GLRA3: variants seen among roughly 807,000 people sequenced by gnomAD.
GLRA3 encodes glycine receptor subunit alpha-3.
In GLRA3, 44 loss-of-function variants were observed where a neutral mutation model predicts 60.4. The observed-to-expected ratio is 0.73, with a 90% CI of 0.57 to 0.94. The LOEUF (loss-of-function observed/expected upper bound fraction) is 0.94, where lower values mean the gene tolerates loss of function less well. Ranked by LOEUF, GLRA3 falls within the 40% of genes least tolerant of loss-of-function variation. The pLI is 0.00. For missense variants in GLRA3, 508 were observed against 564.6 expected, an observed-to-expected ratio of 0.90 and a Z score of 1.02; for synonymous variants, 223 against 192.9, an observed-to-expected ratio of 1.16 and a Z score of -1.29.
chr4:174,785,180 A>G (rs1004852093), intron 2 of GLRA3, among the ~76,000 whole-genome samples: 2 of 152,258 alleles, frequency 1.3e-5, no homozygotes, highest in African/African-American at 4.8e-5. Context: ...TTAAAGAGAA[A>G]TGACAAAACA....
At chr4:174,728,231 G>A (rs1179736248) in intron 4 of GLRA3, among the ~76,000 whole-genome samples, 1 of 152,144 alleles carries the variant, frequency 6.6e-6, no homozygotes, top group African/African-American at 2.4e-5. Context: ...CTGATATTAA[G>A]AATCACCAGG....
chr4:174,690,379 C>A (rs537716671), intron 5 of GLRA3, among the ~76,000 whole-genome samples: 1 of 152,168 alleles, frequency 6.6e-6, no homozygotes, highest in East Asian at 1.9e-4. Flanking sequence ...ATTTAAATAA[C>A]CTCAGGAATG....
chr4:174,798,765 A>G (rs1739678738), intron 1 of GLRA3, among the ~76,000 whole-genome samples: 1 of 152,168 alleles, frequency 6.6e-6, no homozygotes, highest in South Asian at 2.1e-4. Flanking sequence ...TCTACTAAAA[A>G]TACAAAAAAT....
intron 1 of GLRA3, among the ~76,000 whole-genome samples, chr4:174,795,651 A>G (rs1032096685): frequency 1.3e-5 from 2 of 152,208 alleles, no homozygotes; most frequent in East Asian, 1.9e-4. Context: ...TTCTTATACC[A>G]TAATGTAATC....
chr4:174,800,563 C>T (rs1451309706), intron 1 of GLRA3, among the ~76,000 whole-genome samples: 1 of 152,038 alleles, frequency 6.6e-6, no homozygotes, highest in Non-Finnish European at 1.5e-5. Context: ...TTCCTATAAG[C>T]ATTCAAACCA....
intron 1 of GLRA3, among the ~76,000 whole-genome samples, chr4:174,794,301 T>C (rs1323282801): frequency 6.6e-6 from 1 of 152,110 alleles, no homozygotes; most frequent in African/African-American, 2.4e-5. Flanking sequence ...CTGTGCACTT[T>C]TTAAAAAAAT....
chr4:174,649,408 A>T (rs1732950411), intron 9 of GLRA3, among the ~76,000 whole-genome samples: 1 of 152,186 alleles, frequency 6.6e-6, no homozygotes, highest in African/African-American at 2.4e-5. Flanking sequence ...ATTGGAAAGG[A>T]TGTGATACAT....
intron 5 of GLRA3, among the ~76,000 whole-genome samples, chr4:174,695,788 G>A (rs57386306): frequency 0.39 from 59,282 of 151,822 alleles, 12,155 homozygotes; most frequent in South Asian, 0.5. Flanking sequence ...AGGAAGAGGG[G>A]ATGTCAAACT....
At chr4:174,684,275 T>TA (rs955343362) in intron 5 of GLRA3, among the ~76,000 whole-genome samples, 153 of 147,860 alleles carry the variant, frequency 1.0e-3, no homozygotes, top group African/African-American at 3.3e-3. Context: ...AACTTGGGGT[T>TA]AAAAAAAAAA....
intron 5 of GLRA3, among the ~76,000 whole-genome samples, chr4:174,710,541 C>G (rs1735680990): frequency 1.3e-5 from 2 of 151,922 alleles, no homozygotes; most frequent in South Asian, 4.2e-4. Flanking sequence ...TGTTGTTGTT[C>G]CTATCATTAT....
chr4:174,795,109 C>T (rs6830584), intron 1 of GLRA3, among the ~76,000 whole-genome samples: 138,740 of 151,256 alleles, frequency 0.92, 63,788 homozygotes, highest in East Asian at 1. Flanking sequence ...GTTAAAATAG[C>T]TTCTGCTAAT....
At chr4:174,818,090 A>G (rs1160473843) in intron 1 of GLRA3, among the ~76,000 whole-genome samples, 2 of 152,194 alleles carry the variant, frequency 1.3e-5, no homozygotes, top group Non-Finnish European at 2.9e-5. Flanking sequence ...TCTATAGAAA[A>G]GTCACTCAGT....
At chr4:174,709,029 C>T (rs1483521594) in intron 5 of GLRA3, among the ~76,000 whole-genome samples, 2 of 151,416 alleles carry the variant, frequency 1.3e-5, no homozygotes, top group Non-Finnish European at 3.0e-5. Context: ...ATTTCTTTTG[C>T]GTCAAATAAA....
chr4:174,727,604 A>T (rs1736376903), intron 4 of GLRA3, among the ~76,000 whole-genome samples: 1 of 152,300 alleles, frequency 6.6e-6, no homozygotes, highest in South Asian at 2.1e-4. Flanking sequence ...GAAAATTTTT[A>T]AATAATCACT....
At chr4:174,751,872 A>T (rs1737501810) in intron 3 of GLRA3, among the ~76,000 whole-genome samples, 1 of 152,244 alleles carries the variant, frequency 6.6e-6, no homozygotes, top group South Asian at 2.1e-4. Flanking sequence ...ATAAATTTAC[A>T]GTTCATCTGA....
At chr4:174,758,352 T>C (rs1737802956) in intron 3 of GLRA3, among the ~76,000 whole-genome samples, 1 of 152,154 alleles carries the variant, frequency 6.6e-6, no homozygotes, top group Non-Finnish European at 1.5e-5. Context: ...TGATAAAAAG[T>C]AATGAGAGTG....
At chr4:174,784,918 T>C (rs945372465) in intron 2 of GLRA3, among the ~76,000 whole-genome samples, 1 of 152,144 alleles carries the variant, frequency 6.6e-6, no homozygotes, top group African/African-American at 2.4e-5. Flanking sequence ...AAATTAATAC[T>C]ATTCTGGAGG....
intron 2 of GLRA3, among the ~76,000 whole-genome samples, chr4:174,774,119 G>A (rs1474197382): frequency 7.4e-6 from 1 of 134,710 alleles, no homozygotes; most frequent in Non-Finnish European, 1.6e-5. Context: ...GTCCCACCAG[G>A]CCAAGGAAGG....
chr4:174,673,386 A>G (rs1213457467), intron 7 of GLRA3, among the ~76,000 whole-genome samples: 1 of 152,152 alleles, frequency 6.6e-6, no homozygotes, highest in Non-Finnish European at 1.5e-5. Context: ...TTGAATTATT[A>G]TTACTATCTC....
Sources: gnomAD v4.1 joint callset for allele counts (sites outside exome capture counted in the v4.1 genomes callset) on GRCh38, gnomAD v4.1.1 for gene constraint, MANE v1.5 for transcripts, NCBI Gene and HGNC (gene_info 2026-07-23, HGNC 2026-07-21) for gene names.